The following CDH18 variants were observed in gnomAD, a reference collection of about 807,000 sequenced individuals.
CDH18 encodes the protein cadherin-18.
Under a neutral mutation model 67.9 loss-of-function variants are expected in CDH18, and 31 were observed. That is an observed-to-expected ratio of 0.46 (90% CI 0.34 to 0.62). The LOEUF (loss-of-function observed/expected upper bound fraction) is 0.62. CDH18 is among the 20% of genes least tolerant of loss of function. CDH18 has a pLI of 0.01. For synonymous variants in CDH18, 362 were observed against 347.2 expected, an observed-to-expected ratio of 1.04 and a Z score of -0.48; for missense variants, 890 against 975.5, an observed-to-expected ratio of 0.91 and a Z score of 1.17.
chr5:19,487,568 C>G (rs1167984747), intron 11 of CDH18, among the ~76,000 whole-genome samples: 1 of 152,040 alleles, frequency 6.6e-6, no homozygotes, highest in Non-Finnish European at 1.5e-5. Flanking sequence ...TTTTGGAAAA[C>G]TTTTTATCTT....
chr5:20,235,799 G>A (rs1379510049), intron 2 of CDH18, among the ~76,000 whole-genome samples: 3 of 152,116 alleles, frequency 2.0e-5, no homozygotes, highest in Non-Finnish European at 2.9e-5. Context: ...AAATTAAATT[G>A]TTCTACCAAA....
At chr5:20,527,888 C>T (rs1756164265) in intron 1 of CDH18, among the ~76,000 whole-genome samples, 1 of 152,014 alleles carries the variant, frequency 6.6e-6, no homozygotes, top group African/African-American at 2.4e-5. Flanking sequence ...ATTATGATGA[C>T]AGGATCAGAT....
chr5:20,298,865 GA>G (rs1175175260), intron 1 of CDH18, among the ~76,000 whole-genome samples: 7 of 151,774 alleles, frequency 4.6e-5, no homozygotes, highest in African/African-American at 1.2e-4. Context: ...AAGAACTGAA[GA>G]AAAAAAACAT....
intron 3 of CDH18, among the ~76,000 whole-genome samples, chr5:19,816,993 C>A (rs1779357803): frequency 6.6e-6 from 1 of 151,598 alleles, no homozygotes; most frequent in African/African-American, 2.4e-5. Context: ...AGAACTACTG[C>A]ACCTATTATG....
At chr5:19,987,809 C>A (rs921764571) in intron 1 of CDH18, among the ~76,000 whole-genome samples, 7 of 152,168 alleles carry the variant, frequency 4.6e-5, no homozygotes, top group African/African-American at 1.7e-4. Context: ...ACAGCACAGG[C>A]ACAGATAAAC....
chr5:19,968,516 C>G (rs998361549), intron 2 of CDH18, among the ~76,000 whole-genome samples: 1 of 151,692 alleles, frequency 6.6e-6, no homozygotes, highest in African/African-American at 2.4e-5. Flanking sequence ...TGGAACAGAA[C>G]AGAGCCCTCA....
chr5:19,885,132 G>T (rs1344120198), intron 2 of CDH18, among the ~76,000 whole-genome samples: 1 of 152,108 alleles, frequency 6.6e-6, no homozygotes, highest in Non-Finnish European at 1.5e-5. Flanking sequence ...TAACTTTGTG[G>T]TTAAGGGAAT....
chr5:20,212,702 GA>G (rs34010482), intron 2 of CDH18, among the ~76,000 whole-genome samples: 1,898 of 142,898 alleles, frequency 0.013, 37 homozygotes, highest in African/African-American at 0.043. Context: ...GGTTAGAAAA[GA>G]AAAAAAAAAA....
intron 6 of CDH18, among the ~76,000 whole-genome samples, chr5:19,608,302 T>C (rs1561458343): frequency 6.6e-6 from 1 of 151,668 alleles, no homozygotes; most frequent in African/African-American, 2.4e-5. Flanking sequence ...TATAATAAAA[T>C]GACCCAGATA....
chr5:20,422,328 T>C (rs1316225765), intron 1 of CDH18, among the ~76,000 whole-genome samples: 2 of 151,112 alleles, frequency 1.3e-5, no homozygotes, highest in Non-Finnish European at 2.9e-5. Flanking sequence ...TCATATTTTG[T>C]ATTATATGTG....
chr5:19,521,866 C>T (rs1746955536), intron 9 of CDH18, among the ~76,000 whole-genome samples: 1 of 151,710 alleles, frequency 6.6e-6, no homozygotes, highest in Non-Finnish European at 1.5e-5. Context: ...CATTTTTTCC[C>T]TAGAAAATAT....
At chr5:19,542,419 A>G (rs1750423437) in intron 9 of CDH18, among the ~76,000 whole-genome samples, 1 of 152,230 alleles carries the variant, frequency 6.6e-6, no homozygotes, top group South Asian at 2.1e-4. Flanking sequence ...TCCTAGGCAT[A>G]TACTCAAGAG....
intron 10 of CDH18, among the ~76,000 whole-genome samples, chr5:19,510,831 G>A (rs1744996963): frequency 6.8e-6 from 1 of 147,688 alleles, no homozygotes; most frequent in Admixed American, 6.8e-5. Flanking sequence ...TTTTTTCTGA[G>A]ACCAAGTTTT....
At chr5:19,727,910 G>A (rs1439661613) in intron 4 of CDH18, among the ~76,000 whole-genome samples, 1 of 152,144 alleles carries the variant, frequency 6.6e-6, no homozygotes, top group African/African-American at 2.4e-5. Context: ...ATTATATTGG[G>A]CACTTTAATA....
chr5:20,512,749 T>C (rs745454921), intron 1 of CDH18, among the ~76,000 whole-genome samples: 2 of 151,928 alleles, frequency 1.3e-5, no homozygotes, highest in Non-Finnish European at 2.9e-5. Context: ...CCAGGTGTGG[T>C]GGCAGGCATC....
chr5:19,983,733 T>C (rs1799288840), intron 1 of CDH18, among the ~76,000 whole-genome samples: 1 of 152,184 alleles, frequency 6.6e-6, no homozygotes, highest in African/African-American at 2.4e-5. Flanking sequence ...CTCTACCTGC[T>C]AATTTTCCCA....
chr5:19,867,954 T>C (rs934419974), intron 2 of CDH18, among the ~76,000 whole-genome samples: 3 of 152,162 alleles, frequency 2.0e-5, no homozygotes, highest in Non-Finnish European at 4.4e-5. Flanking sequence ...TCAGGAGATC[T>C]GATGGTTTTA....
At chr5:20,408,881 T>C (rs1037114671) in intron 1 of CDH18, among the ~76,000 whole-genome samples, 3 of 151,750 alleles carry the variant, frequency 2.0e-5, no homozygotes, top group East Asian at 1.9e-4. Flanking sequence ...AAAAATATTT[T>C]ACACAAATAG....
At chr5:20,236,348 A>C (rs1742474665) in intron 2 of CDH18, among the ~76,000 whole-genome samples, 1 of 151,786 alleles carries the variant, frequency 6.6e-6, no homozygotes. Context: ...AATACAACTA[A>C]TGTTTCTTTA....
Sources: gnomAD v4.1 joint callset for allele counts (sites outside exome capture counted in the v4.1 genomes callset) on GRCh38, gnomAD v4.1.1 for gene constraint, MANE v1.5 for transcripts, NCBI Gene and HGNC (gene_info 2026-07-23, HGNC 2026-07-21) for gene names.